The following TMPRSS3 variants were observed in gnomAD, a reference collection of about 807,000 sequenced individuals.
The protein encoded by TMPRSS3 is transmembrane protease serine 3.
A neutral mutation model predicts 59.6 loss-of-function variants in TMPRSS3; 55 were observed. That is an observed-to-expected ratio of 0.92 (90% CI 0.74 to 1.16). TMPRSS3 has a LOEUF of 1.16. Among genes scored for constraint, TMPRSS3 ranks in the 50% most tolerant of loss-of-function variants. The probability of loss-of-function intolerance (pLI) is 0.00; values close to 1 mark genes in which losing one functional copy is unlikely to be tolerated. For synonymous variants in TMPRSS3, 257 were observed against 237.7 expected (o/e 1.08, Z -0.75); for missense variants, 596 against 579.4 (o/e 1.03, Z -0.29).
chr21:42,389,744 C>T (rs2146451882), intron 3 of TMPRSS3, among the ~76,000 whole-genome samples, 183 bp downstream of exon 3: 1 of 152,334 alleles, frequency 6.6e-6, no homozygotes, highest in Middle Eastern at 3.4e-3. Flanking sequence ...CCTTGCGGCA[C>T]CCCAGACTGA....
At chr21:42,381,383 A>G (rs2052525315) in intron 9 of TMPRSS3, among the ~76,000 whole-genome samples, 1 of 152,196 alleles carries the variant, frequency 6.6e-6, no homozygotes, top group African/African-American at 2.4e-5. Context: ...TAAAGAAATG[A>G]GAGGACTCCA....
chr21:42,388,605 A>C lies in TMPRSS3; in HGVS notation c.323-79T>G. 6.2e-7 allele frequency: 1 copy of C among 1,603,472 alleles called. No homozygotes were observed. The highest frequency in any genetic ancestry group is 8.5e-7 in the Non-Finnish European group (1 of 1,172,122). ...CATAGGCAGGGGTTTCTCCACAGCC[A>C]GCTCAAACCCCTCCTCTGCCAAATC... On this transcript the variant is annotated intron_variant, in intron 4 of 12. Transcript: ENST00000644384. This position sits in a 1 kb window ranked among gnomAD's most constrained non-coding sequence, Gnocchi z 5.1.
At chr21:42,391,104 C>A (rs2052727555) in intron 2 of TMPRSS3, among the ~76,000 whole-genome samples, 2 of 152,214 alleles carry the variant, frequency 1.3e-5, no homozygotes, top group South Asian at 4.1e-4. Context: ...AAGGCTGTTT[C>A]CCTGCAGAGG....
chr21:42,391,356 T>G (rs926218804), intron 2 of TMPRSS3, among the ~76,000 whole-genome samples: 6 of 152,176 alleles, frequency 3.9e-5, no homozygotes, highest in African/African-American at 1.4e-4. Flanking sequence ...GAGGACAGGA[T>G]GTTGATACAC....
rs148440072 is a variant in TMPRSS3 at position 42,388,005 on chromosome 21, G to C, written c.446+398C>G. On this transcript the variant is annotated intron_variant, in intron 5 of 12. Transcript: ENST00000644384. This position sits in a 1 kb window ranked among gnomAD's most constrained non-coding sequence, Gnocchi z 5.1. ...GGTTCTGTGGGGTTCTTGGGGAAGC[G>C]TGCATGGACATTGATGTGACCGCCA... Among the ~76,000 whole-genome samples the C allele has an allele frequency of 2.0e-5, 3 of 152,200 alleles. No individual in the cohort carries two copies. The highest frequency in any genetic ancestry group is 7.2e-5 in the African/African-American group (3 of 41,444).
rs774342587 is a variant in TMPRSS3 at position 42,372,671 on chromosome 21, T to C, written c.*91A>G. 11 of 1,366,224 alleles carry C rather than the reference T, an allele frequency of 8.1e-6. No homozygotes were observed. In the Admixed American group the frequency reaches 1.7e-4, roughly 21 times the overall value. 84.6% of individuals were successfully genotyped at this position (1,366,224 alleles called of 1,614,324 possible). A position where few individuals can be genotyped will look rare whatever the true frequency, so the allele number is the denominator to read the frequency against. ...AACTCAGAGCTCCAAGGGTGTCTGC[T>C]CGTGTGCAGGTTCCTACACGGGAGT... On this transcript the variant is annotated 3_prime_UTR_variant, in exon 13 of 13. Coordinates refer to ENST00000644384, the MANE Select transcript of TMPRSS3 (RefSeq NM_001256317.3).
At chr21:42,382,298 A>C in intron 8 of TMPRSS3, 64 bp from the exon 9 acceptor site, 7 of 1,445,734 alleles carry the variant, frequency 4.8e-6, no homozygotes, top group Non-Finnish European at 6.7e-6. Context: ...CATTGACCTC[A>C]GGTATCCTGA....
intron 2 of TMPRSS3, among the ~76,000 whole-genome samples, chr21:42,394,872 T>C (rs1028401802): frequency 6.6e-6 from 1 of 152,224 alleles, no homozygotes; most frequent in Non-Finnish European, 1.5e-5. Context: ...CCAACTTTTT[T>C]CCTTCAGTTG....
intron 8 of TMPRSS3, chr21:42,382,809 C>T (rs1244074887): frequency 3.2e-6 from 2 of 618,258 alleles, no homozygotes; most frequent in African/African-American, 3.7e-5. Context: ...TCTGCCCTTT[C>T]TCTAGGAGCT....
At chr21:42,383,758 C>T (rs1392057522) in intron 7 of TMPRSS3, 4 of 713,992 alleles carry the variant, frequency 5.6e-6, no homozygotes, top group Non-Finnish European at 1.0e-5. Context: ...TAATGAGTTG[C>T]TCTGGCTGTC....
intron 7 of TMPRSS3, 83 bp from the exon 8 acceptor site, chr21:42,383,281 C>T: frequency 6.9e-7 from 1 of 1,452,386 alleles, no homozygotes; most frequent in Non-Finnish European, 9.6e-7. Flanking sequence ...ACCTGCTCCT[C>T]TCTCCCCACC....
At chr21:42,380,052 G>T in intron 10 of TMPRSS3, 65 bp downstream of exon 10, 2 of 1,359,316 alleles carry the variant, frequency 1.5e-6, no homozygotes, top group Non-Finnish European at 2.1e-6. Flanking sequence ...CATTGGGGGA[G>T]CCCCCTCCGC....
intron 5 of TMPRSS3, among the ~76,000 whole-genome samples, chr21:42,386,896 T>C (rs2052643041): frequency 6.6e-6 from 1 of 152,040 alleles, no homozygotes; most frequent in Non-Finnish European, 1.5e-5. Flanking sequence ...TAGAACAAAA[T>C]GCAGAAATAA....
intron 2 of TMPRSS3, among the ~76,000 whole-genome samples, chr21:42,391,237 G>A (rs774163711): frequency 1.3e-5 from 2 of 152,174 alleles, no homozygotes; most frequent in Non-Finnish European, 1.5e-5. Context: ...TAGAGATGGG[G>A]ATCTCACTAT....
chr21:42,390,123 C>T lies in TMPRSS3; in HGVS notation c.95-86G>A, dbSNP rs544565855. The T allele has an allele frequency of 5.2e-5, 54 of 1,039,496 alleles. No homozygotes were observed. The African/African-American group carries it at 6.4e-4, about 12-fold the overall frequency. The allele number at this position is 1,039,496 out of a possible 1,614,324, so 64.4% of individuals were successfully genotyped here. On this transcript the variant is annotated intron_variant, in intron 2 of 12. Coordinates refer to ENST00000644384, the MANE Select transcript of TMPRSS3 (RefSeq NM_001256317.3). Reference sequence around the variant, plus strand: ...CTTACAAATTTAACTATCCTTTCCCCCTCCCCTCTTTGCAGAGAAGTCTCA... The same window carrying T: ...CTTACAAATTTAACTATCCTTTCCCTCTCCCCTCTTTGCAGAGAAGTCTCA...
chr21:42,395,223 T>A (rs2052787014), intron 2 of TMPRSS3, 101 bp downstream of exon 2: 1 of 994,864 alleles, frequency 1.0e-6, no homozygotes. Flanking sequence ...GGTGTCAGAA[T>A]GGCTGGGGAG....
chr21:42,392,510 A>G (rs1480162743), intron 2 of TMPRSS3, among the ~76,000 whole-genome samples: 4 of 152,220 alleles, frequency 2.6e-5, no homozygotes, highest in Non-Finnish European at 4.4e-5. Flanking sequence ...TGCATTATCC[A>G]TACCTAGAAC....
Position 42,388,586 on chromosome 21 carries a change from C to T in TMPRSS3, c.323-60G>A. The T allele has an allele frequency of 2.5e-6, 4 of 1,613,070 alleles. No homozygotes were observed. Among genetic ancestry groups the T allele is most frequent in the Non-Finnish European group, 3.4e-6 (4 of 1,179,678 alleles). On this transcript the variant is annotated intron_variant, in intron 4 of 12. Coordinates refer to ENST00000644384, the MANE Select transcript of TMPRSS3 (RefSeq NM_001256317.3). The surrounding 1 kb of genome is among the most constrained non-coding windows in gnomAD (Gnocchi z 5.1). ...GCCAGTGGAACCCTGAGACCATAGG[C>T]AGGGGTTTCTCCACAGCCAGCTCAA...
At chr21:42,376,967 G>A (rs923575133) in intron 10 of TMPRSS3, among the ~76,000 whole-genome samples, 1 of 152,200 alleles carries the variant, frequency 6.6e-6, no homozygotes, top group African/African-American at 2.4e-5. Context: ...AGAGGAGGAG[G>A]AGTAGGGGCA....
Sources: allele counts gnomAD v4.1 joint callset (sites outside exome capture counted in the v4.1 genomes callset), GRCh38; gene constraint gnomAD v4.1.1; non-coding constraint Gnocchi (gnomAD v3.1); transcripts MANE v1.5; gene names NCBI Gene and HGNC (gene_info 2026-07-23, HGNC 2026-07-21).